PRKCB: variants seen among roughly 807,000 people sequenced by gnomAD.
The protein encoded by PRKCB is protein kinase C beta type.
In PRKCB, 13 loss-of-function variants were observed where a neutral mutation model predicts 81.5. That is an observed-to-expected ratio of 0.16 (90% CI 0.10 to 0.25). The LOEUF is 0.25. PRKCB is among the 10% of genes least tolerant of loss of function. The pLI is 1.00. For missense variants in PRKCB, 509 were observed against 875.7 expected (o/e 0.58, Z 5.29); for synonymous variants, 335 against 321.4 (o/e 1.04, Z -0.45).
chr16:24,174,808 T>C (rs1967503052), intron 12 of PRKCB: 1 of 469,582 alleles, frequency 2.1e-6, no homozygotes, highest in South Asian at 4.1e-5. Flanking sequence ...CCAATGATGG[T>C]TCAGAGCCTC....
chr16:24,165,883 C>CTTTTTTT (rs71154285), intron 10 of PRKCB, among the ~76,000 whole-genome samples: 72 of 93,990 alleles, frequency 7.7e-4, no homozygotes, highest in African/African-American at 1.3e-3. Flanking sequence ...TTCTTTCTTT[C>CTTTTTTT]TTTTTTTTTT....
chr16:24,072,768 GAC>G (rs1966127290), intron 5 of PRKCB, among the ~76,000 whole-genome samples: 1 of 152,048 alleles, frequency 6.6e-6, no homozygotes, highest in Admixed American at 6.5e-5. Context: ...TTTTAGTAGA[GAC>G]GGGGTTTCAC....
intron 3 of PRKCB, among the ~76,000 whole-genome samples, chr16:23,999,485 C>A (rs1304450835): frequency 6.6e-6 from 1 of 152,196 alleles, no homozygotes; most frequent in Non-Finnish European, 1.5e-5. Context: ...ACTGAGCCAA[C>A]CATTCAATAA....
intron 14 of PRKCB, 110 bp from the exon 15 acceptor site, chr16:24,185,350 G>T: frequency 8.2e-7 from 1 of 1,214,440 alleles, no homozygotes. Context: ...TGAAAGCCTG[G>T]GTGTGTGGCT....
At chr16:24,203,285 G>T (rs991312344) in intron 16 of PRKCB, 4 of 151,780 alleles carry the variant, frequency 2.6e-5, no homozygotes, top group African/African-American at 4.8e-5. Context: ...ACAATGAAAA[G>T]AAATTTATTT....
At chr16:23,982,054 T>C (rs1316084808) in intron 2 of PRKCB, among the ~76,000 whole-genome samples, 18 of 99,116 alleles carry the variant, frequency 1.8e-4, no homozygotes, top group Non-Finnish European at 2.9e-4. Flanking sequence ...CCCTTCCCTT[T>C]CCCTTCCCCT....
chr16:24,164,563 G>A (rs1967313389), intron 10 of PRKCB, among the ~76,000 whole-genome samples: 1 of 152,138 alleles, frequency 6.6e-6, no homozygotes, highest in Non-Finnish European at 1.5e-5. Flanking sequence ...TTGCCTTTCC[G>A]AGCTTTTAAT....
chr16:23,899,357 C>T (rs959210160), intron 2 of PRKCB, among the ~76,000 whole-genome samples: 8 of 152,128 alleles, frequency 5.3e-5, no homozygotes, highest in African/African-American at 1.9e-4. Flanking sequence ...ATTCCTTATC[C>T]ATTGTAAGAC....
intron 2 of PRKCB, among the ~76,000 whole-genome samples, chr16:23,987,394 G>T (rs1964815731): frequency 7.9e-6 from 1 of 126,442 alleles, no homozygotes; most frequent in African/African-American, 2.7e-5. Context: ...TGGGTATTTG[G>T]TTGGGGTGGG....
chr16:24,089,291 TG>T (rs1357858830), intron 5 of PRKCB, among the ~76,000 whole-genome samples: 1 of 152,196 alleles, frequency 6.6e-6, no homozygotes, highest in South Asian at 2.1e-4. Flanking sequence ...AATCTATCTG[TG>T]GGGGTGGGTG....
At chr16:24,097,699 C>T (rs894100490) in intron 7 of PRKCB, among the ~76,000 whole-genome samples, 9 of 152,092 alleles carry the variant, frequency 5.9e-5, no homozygotes, top group African/African-American at 9.7e-5. Context: ...TTTAGGGAGA[C>T]GTAAGACATC....
At chr16:24,042,240 A>G (rs1424290659) in intron 5 of PRKCB, among the ~76,000 whole-genome samples, 1 of 152,154 alleles carries the variant, frequency 6.6e-6, no homozygotes, top group Non-Finnish European at 1.5e-5. Context: ...CTGCCTTCAA[A>G]GCCATTCCTC....
intron 2 of PRKCB, among the ~76,000 whole-genome samples, chr16:23,892,014 C>T (rs1033620119): frequency 6.6e-6 from 1 of 152,188 alleles, no homozygotes; most frequent in African/African-American, 2.4e-5. Context: ...AGAGCTGTAT[C>T]ACCAACAGCT....
intron 2 of PRKCB, among the ~76,000 whole-genome samples, chr16:23,901,389 G>A (rs944530679): frequency 6.6e-6 from 1 of 152,130 alleles, no homozygotes; most frequent in Non-Finnish European, 1.5e-5. Context: ...TTGATTGGGA[G>A]TATGTCGGCA....
intron 2 of PRKCB, among the ~76,000 whole-genome samples, chr16:23,846,372 G>A (rs753653371): frequency 1.1e-4 from 17 of 152,160 alleles, no homozygotes; most frequent in African/African-American, 4.1e-4. Context: ...CACTTTGGGA[G>A]GCTGAGGTGG....
At chr16:23,973,682 A>AT (rs922539841) in intron 2 of PRKCB, among the ~76,000 whole-genome samples, 33 of 150,322 alleles carry the variant, frequency 2.2e-4, no homozygotes, top group African/African-American at 8.1e-4. Flanking sequence ...AAAATAATAT[A>AT]TTTTTTTTCT....
intron 3 of PRKCB, among the ~76,000 whole-genome samples, chr16:24,009,843 C>T (rs767437765): frequency 1.3e-5 from 2 of 151,866 alleles, no homozygotes; most frequent in Non-Finnish European, 2.9e-5. Flanking sequence ...GGCAGAACCC[C>T]GTCCCTGCTG....
chr16:23,958,564 A>C (rs566177009), intron 2 of PRKCB, among the ~76,000 whole-genome samples: 1 of 151,948 alleles, frequency 6.6e-6, no homozygotes, highest in Non-Finnish European at 1.5e-5. Context: ...CGGCCTCCCA[A>C]TGTGCTGGGA....
rs190997053 is a variant in PRKCB, at chr16:23,869,964, G to A, written c.205+32558G>A. ...TTAAACCTGGGAGGCGGAGGTTGCG[G>A]TGAGCCGAGATCGCGCCATTGCACT... On this transcript the variant is annotated intron_variant, in intron 2 of 16. Coordinates refer to ENST00000643927, the MANE Select transcript of PRKCB (RefSeq NM_002738.7). Among the ~76,000 whole-genome samples the A allele has an allele frequency of 7.9e-5, 12 of 151,972 alleles. No individual in the cohort carries two copies. The East Asian group carries it at 2.3e-3, about 29-fold the overall frequency.
Sources: allele counts gnomAD v4.1 joint callset (sites outside exome capture counted in the v4.1 genomes callset), GRCh38; gene constraint gnomAD v4.1.1; transcripts MANE v1.5; gene names NCBI Gene and HGNC (gene_info 2026-07-23, HGNC 2026-07-21).